KCNQ1OT1: variants seen among roughly 807,000 people sequenced by gnomAD.
KCNQ1OT1 encodes KCNQ1 opposite strand/antisense transcript 1.
Position 2,664,127 on chromosome 11 carries a change from A to G in KCNQ1OT1, n.35868T>C. Reference sequence around the variant, plus strand: ...TACCCAACCAGGTCCCTGCCCTGTAACTTACCAAGGCCTCTCTCAGAGCAG... The same window carrying G: ...TACCCAACCAGGTCCCTGCCCTGTAGCTTACCAAGGCCTCTCTCAGAGCAG... On this transcript the variant is annotated non_coding_transcript_exon_variant, in exon 1 of 1. Transcript: ENST00000597346. This position sits in a 1 kb window ranked among gnomAD's most constrained non-coding sequence, Gnocchi z 5.1. 1 of 398,696 alleles carries G rather than the reference A, an allele frequency of 2.5e-6. No homozygotes were observed. Among genetic ancestry groups the G allele is most frequent in the Non-Finnish European group, 4.4e-6 (1 of 226,132 alleles). 24.7% of individuals were successfully genotyped at this position (398,696 alleles called of 1,614,324 possible).
chr11:2,623,376 A>C lies in KCNQ1OT1; in HGVS notation n.76619T>G. The C allele has an allele frequency of 2.5e-6, 1 of 398,608 alleles. No individual in the cohort carries two copies. Among genetic ancestry groups the C allele is most frequent in the South Asian group, 1.3e-4 (1 of 7,858 alleles). 24.7% of individuals were successfully genotyped at this position (398,608 alleles called of 1,614,324 possible). A position where few individuals can be genotyped will look rare whatever the true frequency, so the allele number is the denominator to read the frequency against. ...CATACAGATACGTATATTTACATAT[A>C]TTTGTACATTTTCACTGCCCTAAAA... On this transcript the variant is annotated non_coding_transcript_exon_variant, in exon 1 of 1. Coordinates refer to ENST00000597346, the Ensembl canonical transcript of KCNQ1OT1. This position sits in a 1 kb window ranked among gnomAD's most constrained non-coding sequence, Gnocchi z 5.2.
At chr11:2,641,373 C>A in exon 1 of KCNQ1OT1, 1 of 398,096 alleles carries the variant, frequency 2.5e-6, no homozygotes, top group Non-Finnish European at 4.4e-6. Flanking sequence ...TTGCATTTCC[C>A]TTATAATTAC....
At chr11:2,629,908 T>C in exon 1 of KCNQ1OT1, 1 of 398,422 alleles carries the variant, frequency 2.5e-6, no homozygotes, top group South Asian at 1.3e-4. Context: ...TTTGAGTGTA[T>C]TTATTTATTT....
At position 2,652,510 on chromosome 11, in the gene KCNQ1OT1, C is replaced by T. The variant is rs1849772850; in HGVS notation, n.47485G>A. The T allele has an allele frequency of 2.5e-6, 1 of 398,598 alleles. No homozygotes were observed. The highest frequency in any genetic ancestry group is 4.4e-6 in the Non-Finnish European group (1 of 226,058). The allele number at this position is 398,598 out of a possible 1,614,324, so 24.7% of individuals were successfully genotyped here. A position where few individuals can be genotyped will look rare whatever the true frequency, so the allele number is the denominator to read the frequency against. On this transcript the variant is annotated non_coding_transcript_exon_variant, in exon 1 of 1. Transcript: ENST00000597346. This position sits in a 1 kb window ranked among gnomAD's most constrained non-coding sequence, Gnocchi z 5.9. The stretch of plus-strand genomic sequence containing the variant: ...CTCTCCAGAGGTTTCTGGGGAATGT[C>T]CTGTGAGCTCAACTCTTGGAGAAGA...
exon 1 of KCNQ1OT1, chr11:2,630,945 C>T: frequency 2.5e-6 from 1 of 398,526 alleles, no homozygotes; most frequent in Non-Finnish European, 4.4e-6. Context: ...CAGAAATCCA[C>T]TGATAGCCTT....
chr11:2,620,700 A>G lies in KCNQ1OT1; in HGVS notation n.79295T>C, dbSNP rs1849155142. The stretch of plus-strand genomic sequence containing the variant: ...GAACAATTTATTTTCCTTTGAATAT[A>G]TATCCAGTAATGGGATTGCTGGGTC... On this transcript the variant is annotated non_coding_transcript_exon_variant, in exon 1 of 1. Transcript: ENST00000597346. The surrounding 1 kb of genome is among the most constrained non-coding windows in gnomAD (Gnocchi z 4.5). The G allele has an allele frequency of 2.5e-6, 1 of 398,596 alleles. No homozygotes were observed. Among genetic ancestry groups the G allele is most frequent in the East Asian group, 3.6e-5 (1 of 28,074 alleles). 24.7% of individuals were successfully genotyped at this position (398,596 alleles called of 1,614,324 possible).
exon 1 of KCNQ1OT1, chr11:2,666,139 T>C: frequency 2.5e-6 from 1 of 398,714 alleles, no homozygotes; most frequent in Non-Finnish European, 4.4e-6. Context: ...TCTTCTGTTT[T>C]GGCATCTTAG....
In KCNQ1OT1 at chr11:2,683,075, G is replaced by C. The variant is rs957992896; in HGVS notation, n.16920C>G. On this transcript the variant is annotated non_coding_transcript_exon_variant, in exon 1 of 1. Transcript: ENST00000597346. This position sits in a 1 kb window ranked among gnomAD's most constrained non-coding sequence, Gnocchi z 4.7. Reference sequence around the variant, plus strand: ...CAGGCAAGGCTCTTGCTAGCCTGAGGACCAGGAGCCTTCAGATTTTCTTGT... The same window carrying C: ...CAGGCAAGGCTCTTGCTAGCCTGAGCACCAGGAGCCTTCAGATTTTCTTGT... 1 of 398,566 alleles carries C rather than the reference G, an allele frequency of 2.5e-6. No homozygotes were observed. The highest frequency in any genetic ancestry group is 1.3e-4 in the South Asian group (1 of 7,838). The allele number at this position is 398,566 out of a possible 1,614,324, so 24.7% of individuals were successfully genotyped here. A position where few individuals can be genotyped will look rare whatever the true frequency, so the allele number is the denominator to read the frequency against.
In KCNQ1OT1 at chr11:2,695,552, G is replaced by T; in HGVS notation, n.4443C>A. 1 of 398,638 alleles carries T rather than the reference G, an allele frequency of 2.5e-6. No individual in the cohort carries two copies. The highest frequency in any genetic ancestry group is 4.4e-6 in the Non-Finnish European group (1 of 226,090). The allele number at this position is 398,638 out of a possible 1,614,324, so 24.7% of individuals were successfully genotyped here. ...CCAACTGCCCACCCCTATGGGCCATGCTGCCCTGAGCATGCACACACACAG... is the reference window on the plus strand; with the variant it reads ...CCAACTGCCCACCCCTATGGGCCATTCTGCCCTGAGCATGCACACACACAG... On this transcript the variant is annotated non_coding_transcript_exon_variant, in exon 1 of 1. Transcript: ENST00000597346. The surrounding 1 kb of genome is among the most constrained non-coding windows in gnomAD (Gnocchi z 5.2).
At chr11:2,632,056 G>A (rs1276255072) in exon 1 of KCNQ1OT1, 3 of 396,352 alleles carry the variant, frequency 7.6e-6, no homozygotes, top group Non-Finnish European at 1.3e-5. Context: ...AGCAGCGTGT[G>A]CCTGTAGTCC....
rs1321463145 is a variant in KCNQ1OT1, at chr11:2,613,128, C to A, written n.86867G>T. Reference sequence around the variant, plus strand: ...AAACATCTTGAGCCAGTGAATCTTCCACCCTCTGCTGAGGGGATCTATGTG... The same window carrying A: ...AAACATCTTGAGCCAGTGAATCTTCAACCCTCTGCTGAGGGGATCTATGTG... On this transcript the variant is annotated non_coding_transcript_exon_variant, in exon 1 of 1. Transcript: ENST00000597346. The surrounding 1 kb of genome is among the most constrained non-coding windows in gnomAD (Gnocchi z 4.8). 1 of 398,506 alleles carries A rather than the reference C, an allele frequency of 2.5e-6. No individual in the cohort carries two copies. Among genetic ancestry groups the A allele is most frequent in the Non-Finnish European group, 4.4e-6 (1 of 226,090 alleles). The allele number at this position is 398,506 out of a possible 1,614,324, so 24.7% of individuals were successfully genotyped here.
At chr11:2,629,016 G>C (rs994672958) in exon 1 of KCNQ1OT1, 3 of 398,052 alleles carry the variant, frequency 7.5e-6, no homozygotes, top group African/African-American at 6.2e-5. Flanking sequence ...TTCAAAATAA[G>C]CATGTGTAAT....
At chr11:2,610,367 A>C (rs537040601) in exon 1 of KCNQ1OT1, 2 of 398,252 alleles carry the variant, frequency 5.0e-6, no homozygotes, top group African/African-American at 4.1e-5. Context: ...ATAATGATAT[A>C]TCTTTAAAGA....
exon 1 of KCNQ1OT1, chr11:2,630,592 TTA>T (rs1849337123): frequency 2.5e-6 from 1 of 398,360 alleles, no homozygotes; most frequent in Non-Finnish European, 4.4e-6. Context: ...CTTTTAACCT[TTA>T]TACTAGAGTT....
chr11:2,627,118 T>C lies in KCNQ1OT1; in HGVS notation n.72877A>G. 1 of 398,606 alleles carries C rather than the reference T, an allele frequency of 2.5e-6. No individual in the cohort carries two copies. The highest frequency in any genetic ancestry group is 1.3e-4 in the South Asian group (1 of 7,848). The allele number at this position is 398,606 out of a possible 1,614,324, so 24.7% of individuals were successfully genotyped here. ...TTCAGCATTGTTTTGTAATTTTCAT[T>C]GTACAAGACTTTCACCTCCTTGGTA... On this transcript the variant is annotated non_coding_transcript_exon_variant, in exon 1 of 1. Transcript: ENST00000597346. This position sits in a 1 kb window ranked among gnomAD's most constrained non-coding sequence, Gnocchi z 4.9.
Position 2,673,401 on chromosome 11 carries a change from C to A in KCNQ1OT1, n.26594G>T, listed in dbSNP as rs1249530759. The A allele has an allele frequency of 5.0e-6, 2 of 398,584 alleles. No individual in the cohort carries two copies. Among genetic ancestry groups the A allele is most frequent in the Non-Finnish European group, 4.4e-6 (1 of 226,100 alleles). The allele number at this position is 398,584 out of a possible 1,614,324, so 24.7% of individuals were successfully genotyped here. A position where few individuals can be genotyped will look rare whatever the true frequency, so the allele number is the denominator to read the frequency against. ...CTCCCCTTGGCCTTTGTTTAGCCCA[C>A]CTTCTGCCTAGGCACCAGGCCTGGA... On this transcript the variant is annotated non_coding_transcript_exon_variant, in exon 1 of 1. Transcript: ENST00000597346. The surrounding 1 kb of genome is among the most constrained non-coding windows in gnomAD (Gnocchi z 4.5).
exon 1 of KCNQ1OT1, chr11:2,667,198 C>A (rs537626198): frequency 2.5e-6 from 1 of 398,728 alleles, no homozygotes; most frequent in African/African-American, 2.1e-5. Context: ...CTGTGGCGGC[C>A]CCCCGTGGCC....
exon 1 of KCNQ1OT1, chr11:2,672,370 CTGA>C: frequency 2.5e-6 from 1 of 397,288 alleles, no homozygotes. Context: ...CCTTCACAGG[CTGA>C]TATGATTGAG....
chr11:2,672,546 T>C (rs544577726), exon 1 of KCNQ1OT1: 5 of 398,644 alleles, frequency 1.3e-5, no homozygotes, highest in South Asian at 1.3e-4. Flanking sequence ...GTCTTCCACA[T>C]TGGAAGGTGG....
Sources: gnomAD v4.1 joint callset for allele counts on GRCh38, gnomAD v4.1.1 for gene constraint, Gnocchi (gnomAD v3.1) non-coding constraint, MANE v1.5 for transcripts, NCBI Gene and HGNC (gene_info 2026-07-23, HGNC 2026-07-21) for gene names.